Variants in ATXN1L observed in about 807,000 individuals in gnomAD.
The protein encoded by ATXN1L is ataxin 1 like, also known as ataxin-1-like.
ATXN1L carries 8 observed loss-of-function variants against 43.4 expected under a neutral mutation model. The observed-to-expected ratio is 0.18, with a 90% CI of 0.11 to 0.33. The LOEUF is 0.33. ATXN1L is among the 10% of genes least tolerant of loss of function. The pLI, the probability that ATXN1L is intolerant of heterozygous loss-of-function variation, is 1.00. For missense variants in ATXN1L, 856 were observed against 885.4 expected (o/e 0.97, Z 0.42); for synonymous variants, 379 against 360.6 (o/e 1.05, Z -0.58).
chr16:71,848,111 T>C, intron 2 of ATXN1L, 40 bp downstream of exon 2: 1 of 454,854 alleles, frequency 2.2e-6, no homozygotes, highest in Non-Finnish European at 4.4e-6. Flanking sequence ...CAGGAAAATA[T>C]CTGGGATGTC....
At chr16:71,847,010 CATT>C (rs2033449864) in intron 1 of ATXN1L, among the ~76,000 whole-genome samples, 1 of 152,154 alleles carries the variant, frequency 6.6e-6, no homozygotes, top group African/African-American at 2.4e-5. Context: ...AGAAAAGAGT[CATT>C]ATTTATGCCA....
Position 71,850,409 on chromosome 16 carries a change from T to G in ATXN1L, c.669T>G (p.Ala223=). ...CAAGTACTCAGCCGCTGGACCTTGCTCCAGGTCGGATGCCCATTTATTATC... is the reference window on the plus strand; with the variant it reads ...CAAGTACTCAGCCGCTGGACCTTGCGCCAGGTCGGATGCCCATTTATTATC... The part of the protein sequence containing the change: ...HHSSTQPLDL[A]PGRMPIYYQM... Residue 223 remains alanine, a synonymous_variant, in exon 3 of 3, where the codon GCT becomes GCG. Transcript: ENST00000427980. 6.4e-7 allele frequency: 1 copy of G among 1,551,634 alleles called. No individual in the cohort carries two copies. Among genetic ancestry groups the G allele is most frequent in the Non-Finnish European group, 8.7e-7 (1 of 1,146,978 alleles).
intron 2 of ATXN1L, among the ~76,000 whole-genome samples, chr16:71,848,596 T>A (rs993302454): frequency 9.9e-5 from 15 of 152,174 alleles, no homozygotes; most frequent in African/African-American, 3.1e-4. Context: ...GCAAACTAGT[T>A]TAATCACTTT....
rs924464097 is a variant in ATXN1L, at chr16:71,854,998, C to T, written c.*3188C>T. The stretch of plus-strand genomic sequence containing the variant: ...CAATCTGGGCTGGTCCTTCTATATT[C>T]TTGGTCCCAGTTGGTCATAACACCA... On this transcript the variant is annotated 3_prime_UTR_variant, in exon 3 of 3. Transcript: ENST00000427980. 2 of 167,160 alleles carry T rather than the reference C, an allele frequency of 1.2e-5. No individual in the cohort carries two copies. Among genetic ancestry groups the T allele is most frequent in the African/African-American group, 4.8e-5 (2 of 41,442 alleles). The allele number at this position is 167,160 out of a possible 1,614,324, so 10.4% of individuals were successfully genotyped here. A position where few individuals can be genotyped will look rare whatever the true frequency, so the allele number is the denominator to read the frequency against.
rs1239731822 is a variant in ATXN1L at position 71,849,794 on chromosome 16, C to A, written c.54C>A (p.Asp18Glu). ...SQECLPPKKRDLPVTSEDMGR... is the reference protein window; with the variant it reads ...SQECLPPKKRELPVTSEDMGR... ...AATGCCTTCCACCAAAGAAACGAGA[C>A]CTCCCCGTGACCAGCGAGGATATGG... Residue 18 changes from aspartate to glutamate, a missense_variant, in exon 3 of 3, where the codon GAC (aspartate) becomes GAA (glutamate). Transcript: ENST00000427980. The A allele has an allele frequency of 6.5e-7, 1 of 1,545,024 alleles. No homozygotes were observed. The highest frequency in any genetic ancestry group is 2.4e-5 in the East Asian group (1 of 40,836).
chr16:71,851,064 C>G lies in ATXN1L; in HGVS notation c.1324C>G (p.Leu442Val), dbSNP rs2033496757. Reference sequence around the variant, plus strand: ...CTCGGAGATCCTGGTAGCATCAAGTCTGGACGTGCAGGCCAGAGCCACCTT... The same window carrying G: ...CTCGGAGATCCTGGTAGCATCAAGTGTGGACGTGCAGGCCAGAGCCACCTT... Reference protein sequence around the residue: ...VGSEILVASSLDVQARATFPD... With the variant: ...VGSEILVASSVDVQARATFPD... Residue 442 changes from leucine (L) to valine (V), a missense_variant, in exon 3 of 3, where the codon CTG (leucine) becomes GTG (valine). Leu to Val is a conservative substitution (Grantham distance 32, BLOSUM62 1). Coordinates refer to ENST00000427980, the MANE Select transcript of ATXN1L (RefSeq NM_001137675.4). This position sits in a 1 kb window ranked among gnomAD's most constrained non-coding sequence, Gnocchi z 4.9. 6.4e-7 allele frequency: 1 copy of G among 1,551,678 alleles called. No homozygotes were observed.
Position 71,851,658 on chromosome 16 carries a change from C to T in ATXN1L, c.1918C>T (p.Pro640Ser). The change falls in exon 3 of 3, where the codon CCT becomes TCT. Residue 640 changes from proline (P) to serine (S), a missense_variant. Physicochemically the swap from Pro to Ser is moderately conservative, Grantham distance 74 (BLOSUM62 -1). Around this residue, in one of 7 missense-constraint regions of ATXN1L, gnomAD observed 185 missense variants for 176.8 expected, o/e 1.05. Transcript: ENST00000427980. This position sits in a 1 kb window ranked among gnomAD's most constrained non-coding sequence, Gnocchi z 4.9. ...CTCCCGTGTGGTAGAGCCTTCCCAG[C>T]CTGAGTCCGGTGCTCAGGCCTGCTG... Reference protein sequence around the residue: ...EGSRVVEPSQPESGAQACWPA... With the variant: ...EGSRVVEPSQSESGAQACWPA... The T allele has an allele frequency of 3.3e-6, 5 of 1,519,110 alleles. No individual in the cohort carries two copies. Among genetic ancestry groups the T allele is most frequent in the African/African-American group, 1.4e-5 (1 of 72,062 alleles). The allele number at this position is 1,519,110 out of a possible 1,614,324, so 94.1% of individuals were successfully genotyped here. A position where few individuals can be genotyped will look rare whatever the true frequency, so the allele number is the denominator to read the frequency against.
Position 71,850,283 on chromosome 16 carries a change from G to A in ATXN1L, c.543G>A (p.Leu181=). 6.4e-6 allele frequency: 10 copies of A among 1,551,496 alleles called. No individual in the cohort carries two copies. Among genetic ancestry groups the A allele is most frequent in the Non-Finnish European group, 8.7e-6 (10 of 1,146,952 alleles). The part of the protein sequence containing the change: ...LPHFVPYASL[L]AEGATPPPQA... ...ACTTTGTGCCATATGCCTCACTTCT[G>A]GCTGAAGGAGCCACTCCTCCCCCAC... Residue 181 remains leucine, a synonymous_variant, in exon 3 of 3, where the codon CTG becomes CTA. Transcript: ENST00000427980.
rs1366458478 is a variant in ATXN1L at position 71,853,578 on chromosome 16, A to C, written c.*1768A>C. The C allele has an allele frequency of 6.0e-6, 1 of 167,046 alleles. No homozygotes were observed. Among genetic ancestry groups the C allele is most frequent in the Non-Finnish European group, 1.5e-5 (1 of 68,142 alleles). The allele number at this position is 167,046 out of a possible 1,614,324, so 10.3% of individuals were successfully genotyped here. ...CTCTGCTCTGTCAAGGACTTTCGGC[A>C]AGTCTCGTGACCTCTGGCTCTTTCA... is the stretch of plus-strand genomic sequence containing the variant. On this transcript the variant is annotated 3_prime_UTR_variant, in exon 3 of 3. Coordinates refer to ENST00000427980, the MANE Select transcript of ATXN1L (RefSeq NM_001137675.4).
rs1029736937 is a variant in ATXN1L, at chr16:71,856,447, AAG to A, written c.*4640_*4641del. On this transcript the variant is annotated 3_prime_UTR_variant, in exon 3 of 3. Coordinates refer to ENST00000427980, the MANE Select transcript of ATXN1L (RefSeq NM_001137675.4). Reference sequence around the variant, plus strand: ...CATGGGGACTGAGGTTCTTCAGAGAAAGAGTGTGAGCTGATGACACAGTGGTT... The same window carrying A: ...CATGGGGACTGAGGTTCTTCAGAGAAAGTGTGAGCTGATGACACAGTGGTT... The A allele has an allele frequency of 3.0e-5, 5 of 167,230 alleles. No homozygotes were observed. The highest frequency in any genetic ancestry group is 7.2e-5 in the African/African-American group (3 of 41,568). The allele number at this position is 167,230 out of a possible 1,614,324, so 10.4% of individuals were successfully genotyped here. A position where few individuals can be genotyped will look rare whatever the true frequency, so the allele number is the denominator to read the frequency against.
rs2033557536 is a variant in ATXN1L, at chr16:71,857,017, T to A, written c.*5207T>A. ...CTAGTCAGGTGCTCCCTCCACCCAA[T>A]ACCATTTCTTACCCTCTAATCCTAC... On this transcript the variant is annotated 3_prime_UTR_variant, in exon 3 of 3. Coordinates refer to ENST00000427980, the MANE Select transcript of ATXN1L (RefSeq NM_001137675.4). 6.0e-6 allele frequency: 1 copy of A among 167,126 alleles called. No homozygotes were observed. Among genetic ancestry groups the A allele is most frequent in the African/African-American group, 2.4e-5 (1 of 41,470 alleles). 10.4% of individuals were successfully genotyped at this position (167,126 alleles called of 1,614,324 possible). A position where few individuals can be genotyped will look rare whatever the true frequency, so the allele number is the denominator to read the frequency against.
chr16:71,851,081 A>G lies in ATXN1L; in HGVS notation c.1341A>G (p.Arg447=). Residue 447 remains arginine (R), a synonymous_variant, in exon 3 of 3, where the codon AGA becomes AGG. Coordinates refer to ENST00000427980, the MANE Select transcript of ATXN1L (RefSeq NM_001137675.4). This position sits in a 1 kb window ranked among gnomAD's most constrained non-coding sequence, Gnocchi z 4.9. ...LVASSLDVQA[R]ATFPDKEPTP... Reference sequence around the variant, plus strand: ...CATCAAGTCTGGACGTGCAGGCCAGAGCCACCTTCCCAGACAAGGAGCCAA... The same window carrying G: ...CATCAAGTCTGGACGTGCAGGCCAGGGCCACCTTCCCAGACAAGGAGCCAA... 1 of 1,551,584 alleles carries G rather than the reference A, an allele frequency of 6.4e-7. No homozygotes were observed. The highest frequency in any genetic ancestry group is 2.0e-5 in the Admixed American group (1 of 50,998).
chr16:71,846,837 A>C (rs2033448810), intron 1 of ATXN1L, among the ~76,000 whole-genome samples: 1 of 148,884 alleles, frequency 6.7e-6, no homozygotes, highest in South Asian at 2.1e-4. Flanking sequence ...CGGTCCCTTT[A>C]CTAGCCTGTG....
Position 71,851,543 on chromosome 16 carries a change from G to T in ATXN1L, c.1803G>T (p.Leu601=). 6.4e-7 allele frequency: 1 copy of T among 1,551,552 alleles called. No homozygotes were observed. The highest frequency in any genetic ancestry group is 8.7e-7 in the Non-Finnish European group (1 of 1,146,960). ...CCAGCTGTGCTCCCCCAAGCCAGCT[G>T]GGTCCCCCCCGAGAAAGGCCTGAGA... ...SQASCAPPSQ[L]GPPRERPERT... The change falls in exon 3 of 3, where the codon CTG becomes CTT. Residue 601 remains leucine (L), a synonymous_variant. Coordinates refer to ENST00000427980, the MANE Select transcript of ATXN1L (RefSeq NM_001137675.4). This position sits in a 1 kb window ranked among gnomAD's most constrained non-coding sequence, Gnocchi z 4.9.
rs2033538507 is a variant in ATXN1L, at chr16:71,855,002, G to A, written c.*3192G>A. 6.0e-6 allele frequency: 1 copy of A among 167,126 alleles called. No individual in the cohort carries two copies. The highest frequency in any genetic ancestry group is 2.4e-5 in the African/African-American group (1 of 41,424). 10.4% of individuals were successfully genotyped at this position (167,126 alleles called of 1,614,324 possible). On this transcript the variant is annotated 3_prime_UTR_variant, in exon 3 of 3. Coordinates refer to ENST00000427980, the MANE Select transcript of ATXN1L (RefSeq NM_001137675.4). The stretch of plus-strand genomic sequence containing the variant: ...CTGGGCTGGTCCTTCTATATTCTTG[G>A]TCCCAGTTGGTCATAACACCAAGGG...
In ATXN1L at chr16:71,851,714, G is replaced by T. The variant is rs1187129882; in HGVS notation, c.1974G>T (p.Met658Ile). The T allele has an allele frequency of 1.4e-6, 2 of 1,480,070 alleles. No homozygotes were observed. Among genetic ancestry groups the T allele is most frequent in the South Asian group, 1.4e-5 (1 of 74,026 alleles). 91.7% of individuals were successfully genotyped at this position (1,480,070 alleles called of 1,614,324 possible). A position where few individuals can be genotyped will look rare whatever the true frequency, so the allele number is the denominator to read the frequency against. ...WPAPSFQRYSMQGEEARAALL... is the reference protein window; with the variant it reads ...WPAPSFQRYSIQGEEARAALL... The stretch of plus-strand genomic sequence containing the variant: ...CCCCGAGCTTCCAAAGATACAGCAT[G>T]CAAGGGGAGGAGGCACGGGCTGCGC... Residue 658 changes from methionine (M) to isoleucine (I), a missense_variant, in exon 3 of 3, where the codon ATG (methionine) becomes ATT (isoleucine). Around this residue, in one of 7 missense-constraint regions of ATXN1L, gnomAD observed 185 missense variants for 176.8 expected, o/e 1.05. Coordinates refer to ENST00000427980, the MANE Select transcript of ATXN1L (RefSeq NM_001137675.4). The surrounding 1 kb of genome is among the most constrained non-coding windows in gnomAD (Gnocchi z 4.9).
At position 71,853,844 on chromosome 16, in the gene ATXN1L, C is replaced by T. The variant is rs943839212; in HGVS notation, c.*2034C>T. On this transcript the variant is annotated 3_prime_UTR_variant, in exon 3 of 3. Transcript: ENST00000427980. ...CCATCAAAGGAGGTTGCTGACCTGA[C>T]CGTGAGTGCTTCAGTATCTGGTTTG... is the stretch of plus-strand genomic sequence containing the variant. 1.2e-5 allele frequency: 2 copies of T among 167,082 alleles called. No homozygotes were observed. The highest frequency in any genetic ancestry group is 2.4e-5 in the African/African-American group (1 of 41,446). The allele number at this position is 167,082 out of a possible 1,614,324, so 10.3% of individuals were successfully genotyped here.
chr16:71,851,590 A>G lies in ATXN1L; in HGVS notation c.1850A>G (p.Glu617Gly), dbSNP rs1290369456. ...RPERTVLGSR[E>G]LCDSEGKSQP... is the part of the protein sequence containing the mutation. The stretch of plus-strand genomic sequence containing the variant: ...GAGAGGACGGTCTTGGGATCCAGAG[A>G]GCTATGTGACAGTGAGGGGAAGAGC... Residue 617 changes from glutamate (E) to glycine (G), a missense_variant, in exon 3 of 3, where the codon GAG becomes GGG. Glu to Gly is a moderately conservative substitution (Grantham distance 98, BLOSUM62 -2). Transcript: ENST00000427980. The surrounding 1 kb of genome is among the most constrained non-coding windows in gnomAD (Gnocchi z 4.9). 1 of 1,548,034 alleles carries G rather than the reference A, an allele frequency of 6.5e-7. No individual in the cohort carries two copies. The highest frequency in any genetic ancestry group is 2.0e-5 in the Admixed American group (1 of 50,706).
intron 1 of ATXN1L, among the ~76,000 whole-genome samples, chr16:71,846,345 T>G (rs1320282267): frequency 6.6e-6 from 1 of 152,144 alleles, no homozygotes; most frequent in Non-Finnish European, 1.5e-5. Flanking sequence ...TCCGAGTCTG[T>G]GGGGCGGGAA....
Sources: allele counts gnomAD v4.1 joint callset (sites outside exome capture counted in the v4.1 genomes callset), GRCh38; gene constraint gnomAD v4.1.1; regional missense constraint gnomAD v4.1.1; non-coding constraint Gnocchi (gnomAD v3.1); transcripts MANE v1.5; gene names NCBI Gene and HGNC (gene_info 2026-07-23, HGNC 2026-07-21).